The following SH3D19 variants were observed in gnomAD, a reference collection of about 807,000 sequenced individuals.
SH3D19 encodes SH3 domain-containing protein 19.
In SH3D19, 58 loss-of-function variants were observed where a neutral mutation model predicts 112.1. The observed-to-expected ratio is 0.52, with a 90% CI of 0.42 to 0.64. The LOEUF is 0.64. Among genes scored for constraint, SH3D19 ranks in the 30% least tolerant of loss-of-function variants. SH3D19 has a pLI of 0.00. For missense variants in SH3D19, 1,090 were observed against 1,263.4 expected, an observed-to-expected ratio of 0.86 and a Z score of 2.08; for synonymous variants, 391 against 448.5, an observed-to-expected ratio of 0.87 and a Z score of 1.62.
At chr4:151,187,132 G>T (rs1182019726) in intron 3 of SH3D19, among the ~76,000 whole-genome samples, 1 of 150,642 alleles carries the variant, frequency 6.6e-6, no homozygotes, top group Admixed American at 6.6e-5. Context: ...AAACTAACTA[G>T]AGAGGCAAAT....
intron 2 of SH3D19, among the ~76,000 whole-genome samples, chr4:151,211,593 G>C (rs530345496): frequency 1.6e-5 from 2 of 125,486 alleles, no homozygotes; most frequent in East Asian, 4.8e-4. Flanking sequence ...AAAAAAAAAA[G>C]GTTCTTGAAG....
At chr4:151,127,794 G>A (rs904594515) in intron 18 of SH3D19, 79 bp from the exon 19 acceptor site, 19 of 755,062 alleles carry the variant, frequency 2.5e-5, no homozygotes, top group Admixed American at 1.1e-4. Context: ...AAAAAAAAAC[G>A]CTTATCGCTC....
intron 1 of SH3D19, among the ~76,000 whole-genome samples, chr4:151,296,967 T>C (rs1466461842): frequency 6.6e-6 from 1 of 152,222 alleles, no homozygotes; most frequent in Non-Finnish European, 1.5e-5. Flanking sequence ...AAGCTATATT[T>C]TGATATTATT....
At chr4:151,155,598 G>A (rs900474797) in intron 9 of SH3D19, among the ~76,000 whole-genome samples, 4 of 151,902 alleles carry the variant, frequency 2.6e-5, no homozygotes, top group African/African-American at 4.8e-5. Flanking sequence ...TAAAAAAAAC[G>A]ACTGGGGTCT....
intron 14 of SH3D19, 74 bp downstream of exon 14, chr4:151,137,658 A>AT: frequency 4.0e-6 from 5 of 1,244,060 alleles, no homozygotes; most frequent in South Asian, 4.1e-5. Context: ...GTTTCTAGTT[A>AT]TTTTTTCCAA....
chr4:151,171,012 G>A (rs1254822429), intron 7 of SH3D19, among the ~76,000 whole-genome samples: 3 of 152,056 alleles, frequency 2.0e-5, no homozygotes, highest in Non-Finnish European at 2.9e-5. Context: ...CCAAAGTAGG[G>A]GATAATAGGT....
At chr4:151,157,858 T>C (rs76030569) in intron 9 of SH3D19, among the ~76,000 whole-genome samples, 3 of 152,332 alleles carry the variant, frequency 2.0e-5, no homozygotes, top group Non-Finnish European at 4.4e-5. Flanking sequence ...ACACTGCATC[T>C]TCTCATTCAT....
intron 1 of SH3D19, among the ~76,000 whole-genome samples, chr4:151,285,536 T>C (rs1479808503): frequency 9.2e-5 from 14 of 152,180 alleles, no homozygotes; most frequent in Admixed American, 9.2e-4. Flanking sequence ...AGAAACAACA[T>C]ATCAAATCTT....
intron 9 of SH3D19, among the ~76,000 whole-genome samples, chr4:151,154,298 A>G (rs1302025029): frequency 1.3e-5 from 2 of 148,992 alleles, no homozygotes. Context: ...ACACCCAGCT[A>G]ATTTTTTGGA....
intron 1 of SH3D19, among the ~76,000 whole-genome samples, chr4:151,235,721 G>A (rs1198508640): frequency 6.6e-6 from 1 of 152,184 alleles, no homozygotes; most frequent in African/African-American, 2.4e-5. Context: ...GGGAGGTGGA[G>A]GTTGCAGTGA....
intron 17 of SH3D19, among the ~76,000 whole-genome samples, chr4:151,129,486 CAG>C (rs1316458138): frequency 6.6e-6 from 1 of 152,178 alleles, no homozygotes; most frequent in Non-Finnish European, 1.5e-5. Flanking sequence ...TCTCCTGCCT[CAG>C]CCTCCCGATT....
intron 7 of SH3D19, among the ~76,000 whole-genome samples, chr4:151,167,320 CT>C (rs138468708): frequency 1.3e-5 from 2 of 151,690 alleles, no homozygotes; most frequent in East Asian, 3.8e-4. Flanking sequence ...TATAATAGTA[CT>C]TTTTTTACTT....
At chr4:151,236,829 C>T (rs1448843641) in intron 1 of SH3D19, among the ~76,000 whole-genome samples, 1 of 152,180 alleles carries the variant, frequency 6.6e-6, no homozygotes, top group Non-Finnish European at 1.5e-5. Flanking sequence ...TGTAAATGCA[C>T]CAATCAACAA....
intron 1 of SH3D19, among the ~76,000 whole-genome samples, chr4:151,307,913 T>C (rs1236912755): frequency 6.6e-6 from 1 of 152,184 alleles, no homozygotes; most frequent in African/African-American, 2.4e-5. Context: ...TTTATTTATT[T>C]TATTATTATT....
chr4:151,132,132 C>A (rs528870799), intron 17 of SH3D19, among the ~76,000 whole-genome samples, 199 bp downstream of exon 17: 10 of 152,278 alleles, frequency 6.6e-5, no homozygotes, highest in African/African-American at 2.4e-4. Context: ...TCTCTGTTTT[C>A]ATTTTCTATC....
intron 1 of SH3D19, among the ~76,000 whole-genome samples, chr4:151,289,471 T>C (rs548827338): frequency 6.6e-6 from 1 of 152,226 alleles, no homozygotes; most frequent in South Asian, 2.1e-4. Flanking sequence ...TATTTGCAAA[T>C]CATATATGTA....
chr4:151,202,863 G>A (rs1764593909), intron 2 of SH3D19, among the ~76,000 whole-genome samples: 1 of 152,176 alleles, frequency 6.6e-6, no homozygotes, highest in South Asian at 2.1e-4. Flanking sequence ...TGATAAAGTT[G>A]GACATTTTGC....
At chr4:151,306,688 A>T (rs1728946076) in intron 1 of SH3D19, among the ~76,000 whole-genome samples, 1 of 152,230 alleles carries the variant, frequency 6.6e-6, no homozygotes, top group Non-Finnish European at 1.5e-5. Flanking sequence ...AGCTATTGAA[A>T]GGTTTGTTCT....
chr4:151,146,269 T>C (rs1285156521), intron 11 of SH3D19, among the ~76,000 whole-genome samples: 1 of 152,122 alleles, frequency 6.6e-6, no homozygotes, highest in East Asian at 1.9e-4. Flanking sequence ...TTAAAAAGAG[T>C]AAGCAGTCCT....
Sources: allele counts gnomAD v4.1 joint callset (sites outside exome capture counted in the v4.1 genomes callset), GRCh38; gene constraint gnomAD v4.1.1; transcripts MANE v1.5; gene names NCBI Gene and HGNC (gene_info 2026-07-23, HGNC 2026-07-21).